The following OR1L8 variants were observed in gnomAD, a reference collection of about 807,000 sequenced individuals.
OR1L8 encodes the protein olfactory receptor 1L8.
For missense variants in OR1L8, 330 were observed against 377.4 expected, an observed-to-expected ratio of 0.87 and a Z score of 1.04; for synonymous variants, 148 against 147.0, an observed-to-expected ratio of 1.01 and a Z score of -0.05.
the OR1L8 span, among the ~76,000 whole-genome samples, chr9:122,561,076 T>C: frequency 6.6e-6 from 1 of 152,224 alleles, no homozygotes; most frequent in Non-Finnish European, 1.5e-5. Flanking sequence ...TTCAGCATGA[T>C]GGTCTTCAAA....
the OR1L8 span, among the ~76,000 whole-genome samples, chr9:122,560,668 G>A: frequency 6.6e-6 from 1 of 152,136 alleles, no homozygotes; most frequent in Non-Finnish European, 1.5e-5. Context: ...ACTCTCTTCT[G>A]GCATGTAGGG....
chr9:122,560,994 G>T, the OR1L8 span, among the ~76,000 whole-genome samples: 1 of 152,046 alleles, frequency 6.6e-6, no homozygotes, highest in Admixed American at 6.6e-5. Flanking sequence ...TTTTTACATA[G>T]TCCCATATTT....
intron 3 of OR1L8, among the ~76,000 whole-genome samples, chr9:122,574,009 CTT>C (rs2118733293): frequency 6.6e-6 from 1 of 152,262 alleles, no homozygotes; most frequent in South Asian, 2.1e-4. Flanking sequence ...CGTTATATGT[CTT>C]TGCTGTTTGT....
the OR1L8 span, chr9:122,553,624 C>A: frequency 6.2e-7 from 1 of 1,614,144 alleles, no homozygotes; most frequent in Non-Finnish European, 8.5e-7. Context: ...TACAGCACAT[C>A]TATGAGTCCC....
At chr9:122,560,775 C>A in the OR1L8 span, among the ~76,000 whole-genome samples, 1 of 152,094 alleles carries the variant, frequency 6.6e-6, no homozygotes, top group East Asian at 1.9e-4. Flanking sequence ...TCCTTCATTT[C>A]GACCTTGGAG....
At chr9:122,574,764 T>A (rs1829614183) in intron 3 of OR1L8, among the ~76,000 whole-genome samples, 1 of 152,122 alleles carries the variant, frequency 6.6e-6, no homozygotes, top group Non-Finnish European at 1.5e-5. Flanking sequence ...CTTATCTTGT[T>A]CCTGAATGTA....
intron 1 of OR1L8, among the ~76,000 whole-genome samples, chr9:122,578,864 G>A (rs572500125): frequency 3.3e-5 from 5 of 152,038 alleles, no homozygotes; most frequent in Non-Finnish European, 5.9e-5. Context: ...TACACTGCTC[G>A]GGTGCACCAA....
At chr9:122,574,776 T>C (rs1564202695) in intron 3 of OR1L8, among the ~76,000 whole-genome samples, 1 of 152,126 alleles carries the variant, frequency 6.6e-6, no homozygotes, top group African/African-American at 2.4e-5. Flanking sequence ...CTGAATGTAA[T>C]GGGAAAGCTC....
rs373426364 is a variant in OR1L8, at chr9:122,567,981, C to T, written c.497G>A (p.Arg166His). The T allele has an allele frequency of 2.7e-5, 44 of 1,613,916 alleles. No individual in the cohort carries two copies. The highest frequency in any genetic ancestry group is 3.3e-4 in the Middle Eastern group (2 of 6,084). ...AACATTGGAGTCACAGAAGGTGAGACGATTCAGCAGAAGTGTGTGCAGGAG... is the reference window on the plus strand; with the variant it reads ...AACATTGGAGTCACAGAAGGTGAGATGATTCAGCAGAAGTGTGTGCAGGAG... ...HSLLHTLLLN[R>H]LTFCDSNVIH... The change falls in exon 5 of 5, where the codon CGT becomes CAT. Residue 166 changes from arginine (R) to histidine (H), a missense_variant. Arg to His is a conservative substitution (Grantham distance 29). Transcript: ENST00000641027.
chr9:122,553,895 G>A, the OR1L8 span: 7 of 1,613,924 alleles, frequency 4.3e-6, no homozygotes, highest in African/African-American at 8.0e-5. Flanking sequence ...TCTGGGCTGT[G>A]TTTGTCATCT....
intron 1 of OR1L8, among the ~76,000 whole-genome samples, chr9:122,582,740 T>TAAAGG (rs1480270547): frequency 6.6e-6 from 1 of 151,652 alleles, no homozygotes. Context: ...TTTTTTAAGT[T>TAAAGG]AAAGGAAAAA....
intron 4 of OR1L8, among the ~76,000 whole-genome samples, chr9:122,571,997 C>T (rs1309360636): frequency 6.6e-6 from 1 of 152,180 alleles, no homozygotes; most frequent in African/African-American, 2.4e-5. Flanking sequence ...GTTTCTGATT[C>T]TGGGGAGGCC....
At chr9:122,555,326 C>T in the OR1L8 span, among the ~76,000 whole-genome samples, 2 of 152,140 alleles carry the variant, frequency 1.3e-5, no homozygotes, top group Non-Finnish European at 2.9e-5. Flanking sequence ...GGTCATTCTA[C>T]CTCTCTCCTT....
the OR1L8 span, chr9:122,554,349 C>T: frequency 1.8e-6 from 1 of 556,120 alleles, no homozygotes; most frequent in Non-Finnish European, 3.2e-6. Context: ...TGTTCTGTCT[C>T]AGCCTCTTTC....
At chr9:122,555,382 A>G in the OR1L8 span, among the ~76,000 whole-genome samples, 37,233 of 152,166 alleles carry the variant, frequency 0.24, 4,915 homozygotes, top group Middle Eastern at 0.34. Flanking sequence ...GAGACAACTA[A>G]GGAAACCAGA....
the OR1L8 span, among the ~76,000 whole-genome samples, chr9:122,552,039 A>ACTCTCTCTCTCTCTCC: frequency 1.1e-5 from 1 of 89,386 alleles, no homozygotes; most frequent in Admixed American, 1.2e-4. Context: ...GGACACATAC[A>ACTCTCTCTCTCTCTCC]CACACACACA....
chr9:122,567,742 G>A lies in OR1L8; in HGVS notation c.736C>T (p.Leu246Phe), dbSNP rs117612088. 5.2e-4 allele frequency: 843 copies of A among 1,614,050 alleles called. 1 individual carries two copies. Among genetic ancestry groups the A allele is most frequent in the Non-Finnish European group, 6.8e-4 (800 of 1,179,988 alleles). The change falls in exon 5 of 5, where the codon CTC (leucine) becomes TTC (phenylalanine). Residue 246 changes from leucine to phenylalanine, a missense_variant. By Grantham distance (22) the Leu-to-Phe change is conservative (BLOSUM62 0). Transcript: ENST00000641027. ...CCATAAAAGAGCGTCACCACGGTGA[G>A]GTAAAAACCACAGGTGGAGAAGGCT... ...RKAFSTCGFY[L>F]TVVTLFYGSI... is the part of the protein sequence containing the mutation.
chr9:122,569,383 C>A (rs1393516721), intron 4 of OR1L8, among the ~76,000 whole-genome samples: 2 of 132,942 alleles, frequency 1.5e-5, no homozygotes, highest in Non-Finnish European at 3.2e-5. Flanking sequence ...TATTTTTCAT[C>A]CCGATCCAGT....
At chr9:122,559,449 C>T in the OR1L8 span, among the ~76,000 whole-genome samples, 7 of 152,080 alleles carry the variant, frequency 4.6e-5, no homozygotes, top group Non-Finnish European at 7.4e-5. Context: ...CCTGCTTTCT[C>T]TTGTGGGCAT....
Sources: allele counts gnomAD v4.1 joint callset (sites outside exome capture counted in the v4.1 genomes callset), GRCh38; gene constraint gnomAD v4.1.1; transcripts MANE v1.5; gene names NCBI Gene and HGNC (gene_info 2026-07-23, HGNC 2026-07-21).